RUSF1: variants seen among roughly 807,000 people sequenced by gnomAD.
RUSF1 encodes the protein RUS1 family protein C16orf58.
A neutral mutation model predicts 63.0 loss-of-function variants in RUSF1; 58 were observed. The observed-to-expected ratio is 0.92, with a 90% confidence interval of 0.75 to 1.15. RUSF1 has a LOEUF of 1.15. Among genes scored for constraint, RUSF1 ranks in the 50% most tolerant of loss-of-function variants. RUSF1 has a pLI of 0.00. For missense variants in RUSF1, 652 were observed against 611.0 expected, an observed-to-expected ratio of 1.07 and a Z score of -0.71; for synonymous variants, 274 against 255.8, an observed-to-expected ratio of 1.07 and a Z score of -0.68.
In RUSF1 at chr16:31,490,838, C is replaced by T; in HGVS notation, c.1404G>A (p.Leu468=). ...TWLLSPEKKV[L] The stretch of plus-strand genomic sequence containing the variant: ...CTTGGGCCTCCGTCTGGGCTGCTCA[C>T]AAGACCTTCTTTTCGGGAGACAGAA... The change falls in exon 13 of 13, where the codon TTG becomes TTA. Residue 468 remains leucine, a synonymous_variant. Coordinates refer to ENST00000327237, the MANE Select transcript of RUSF1 (RefSeq NM_022744.4). 1 of 1,614,220 alleles carries T rather than the reference C, an allele frequency of 6.2e-7. No individual in the cohort carries two copies. Among genetic ancestry groups the T allele is most frequent in the Non-Finnish European group, 8.5e-7 (1 of 1,180,040 alleles).
At chr16:31,504,338 G>A (rs1049754700) in intron 2 of RUSF1, among the ~76,000 whole-genome samples, 8 of 151,996 alleles carry the variant, frequency 5.3e-5, no homozygotes, top group Non-Finnish European at 1.0e-4. Flanking sequence ...GCACTATCTC[G>A]GTTCAGTGCA....
chr16:31,505,184 T>C (rs1330906421), intron 2 of RUSF1, among the ~76,000 whole-genome samples: 1 of 152,138 alleles, frequency 6.6e-6, no homozygotes, highest in Non-Finnish European at 1.5e-5. Flanking sequence ...TCTGCTACAC[T>C]GAGATGTCTG....
At chr16:31,507,933 G>C (rs1027224287) in intron 1 of RUSF1, 55 bp from the exon 2 acceptor site, 6 of 1,540,580 alleles carry the variant, frequency 3.9e-6, no homozygotes, top group Middle Eastern at 1.7e-4. Flanking sequence ...GGCGGTCTAA[G>C]TGCCTTCATC....
Position 31,490,061 on chromosome 16 carries a change from G to A in RUSF1, c.*774C>T, listed in dbSNP as rs559072132. 10 of 1,611,658 alleles carry A rather than the reference G, an allele frequency of 6.2e-6. No individual in the cohort carries two copies. The South Asian group carries it at 9.9e-5, about 16-fold the overall frequency. On this transcript the variant is annotated 3_prime_UTR_variant, in exon 13 of 13. Transcript: ENST00000327237. ...CAAGAGACTTTAGGGCCAGGCATGG[G>A]GGGACAGAACTCCCACCTCGTTCGT...
intron 2 of RUSF1, among the ~76,000 whole-genome samples, chr16:31,505,425 C>A (rs1020972949): frequency 6.6e-6 from 1 of 152,080 alleles, no homozygotes; most frequent in Non-Finnish European, 1.5e-5. Flanking sequence ...GAGTGCCGGT[C>A]CCCTGGGCCC....
At chr16:31,493,285 C>T (rs1212595491) in intron 9 of RUSF1, 182 bp downstream of exon 9, 4 of 915,926 alleles carry the variant, frequency 4.4e-6, no homozygotes, top group East Asian at 5.2e-5. Context: ...ACATCTCTTA[C>T]ATCTGCTTCA....
chr16:31,504,042 G>A (rs552064524), intron 2 of RUSF1, among the ~76,000 whole-genome samples: 125 of 151,890 alleles, frequency 8.2e-4, no homozygotes, highest in African/African-American at 2.9e-3. Context: ...TGGACTACAG[G>A]TGCCTGCCAC....
At chr16:31,500,851 G>T in intron 2 of RUSF1, 120 bp from the exon 3 acceptor site, 2 of 1,058,538 alleles carry the variant, frequency 1.9e-6, no homozygotes, top group East Asian at 2.6e-5. Context: ...ACTCGGTCTG[G>T]TACTAGAAGT....
intron 5 of RUSF1, among the ~76,000 whole-genome samples, chr16:31,499,081 T>C (rs561595486): frequency 6.6e-6 from 1 of 152,232 alleles, no homozygotes; most frequent in South Asian, 2.1e-4. Context: ...AGCTCGGAGC[T>C]CCCTCCCCAG....
intron 5 of RUSF1, among the ~76,000 whole-genome samples, chr16:31,497,663 G>T (rs1202644714): frequency 6.6e-6 from 1 of 152,128 alleles, no homozygotes; most frequent in Admixed American, 6.5e-5. Flanking sequence ...GCCAGACATA[G>T]ACTTAGGTGC....
chr16:31,492,945 G>C (rs2082580284), intron 10 of RUSF1, 33 bp downstream of exon 10: 2 of 1,579,996 alleles, frequency 1.3e-6, no homozygotes, highest in Non-Finnish European at 1.7e-6. Flanking sequence ...CTGGGAGGGT[G>C]CGTCTTAGGC....
chr16:31,500,216 T>C (rs1405698924), intron 3 of RUSF1, among the ~76,000 whole-genome samples: 1 of 151,950 alleles, frequency 6.6e-6, no homozygotes, highest in African/African-American at 2.4e-5. Flanking sequence ...CAGTATGAGA[T>C]CTCCTGGAGG....
At position 31,491,509 on chromosome 16, in the gene RUSF1, G is replaced by A. The variant is rs980919689; in HGVS notation, c.1309+500C>T. Among the ~76,000 whole-genome samples the A allele has an allele frequency of 2.6e-5, 4 of 151,622 alleles. 1 individual carries two copies. Among genetic ancestry groups the A allele is most frequent in the African/African-American group, 9.7e-5 (4 of 41,210 alleles). On this transcript the variant is annotated intron_variant, in intron 12 of 12. Coordinates refer to ENST00000327237, the MANE Select transcript of RUSF1 (RefSeq NM_022744.4). ...TTTTTATATTTTTGGTAGAGACAGG[G>A]TTTCACCATGTTGCCCAGGCTGGCC...
chr16:31,495,248 T>C (rs1015685497), intron 6 of RUSF1, among the ~76,000 whole-genome samples: 7 of 151,964 alleles, frequency 4.6e-5, no homozygotes, highest in African/African-American at 1.7e-4. Flanking sequence ...CAGGGAGAGC[T>C]GGTCCTGGCA....
At chr16:31,499,203 T>C in intron 5 of RUSF1, 99 bp downstream of exon 5, 1 of 1,101,118 alleles carries the variant, frequency 9.1e-7, no homozygotes, top group Non-Finnish European at 1.4e-6. Context: ...AACTTTCTTA[T>C]TCTTCTTGAA....
chr16:31,491,803 G>A (rs1424379226), intron 12 of RUSF1, among the ~76,000 whole-genome samples: 1 of 152,046 alleles, frequency 6.6e-6, no homozygotes, highest in African/African-American at 2.4e-5. Flanking sequence ...GTACAGACAA[G>A]GATTTGCCAT....
At chr16:31,493,839 C>A (rs1171421525) in intron 7 of RUSF1, 27 bp downstream of exon 7, 9 of 1,614,194 alleles carry the variant, frequency 5.6e-6, no homozygotes, top group Non-Finnish European at 7.6e-6. Flanking sequence ...AGCTGGGGTT[C>A]TCCTGCCCAC....
At chr16:31,491,102 A>G (rs538761824) in intron 12 of RUSF1, among the ~76,000 whole-genome samples, 170 bp from the exon 13 acceptor site, 13 of 152,254 alleles carry the variant, frequency 8.5e-5, no homozygotes, top group Admixed American at 5.9e-4. Flanking sequence ...ATTCGTTGAA[A>G]TGGCACACAG....
At position 31,508,323 on chromosome 16, in the gene RUSF1, G is replaced by A. The variant is rs999869241; in HGVS notation, c.51C>T (p.Gly17=). The A allele has an allele frequency of 4.4e-6, 7 of 1,578,250 alleles. No individual in the cohort carries two copies. The highest frequency in any genetic ancestry group is 1.3e-5 in the African/African-American group (1 of 74,284). ...LETPLCSEQF[G]SGEARGCRAA... is the part of the protein sequence containing the mutation. ...CGCGGCAGCCCCGTGCCTCCCCGGA[G>A]CCGAACTGCTCGGAACACAGCGGGG... Residue 17 remains glycine, a synonymous_variant, in exon 1 of 13, where the codon GGC becomes GGT. Transcript: ENST00000327237.
Sources: allele counts gnomAD v4.1 joint callset (sites outside exome capture counted in the v4.1 genomes callset), GRCh38; gene constraint gnomAD v4.1.1; transcripts MANE v1.5; gene names NCBI Gene and HGNC (gene_info 2026-07-23, HGNC 2026-07-21).